The following PCDH9 variants were observed in gnomAD, a reference collection of about 807,000 sequenced individuals.
PCDH9 encodes protocadherin 9.
In PCDH9, 24 loss-of-function variants were observed where a neutral mutation model predicts 70.6. That is an observed-to-expected ratio of 0.34 (90% CI 0.25 to 0.48). The LOEUF is 0.48. Among genes scored for constraint, PCDH9 ranks in the 20% least tolerant of loss-of-function variants. The probability of loss-of-function intolerance (pLI) is 0.99; values close to 1 mark genes in which losing one functional copy is unlikely to be tolerated. For missense variants in PCDH9, 1,281 were observed against 1,503.6 expected (o/e 0.85, Z 2.45); for synonymous variants, 562 against 558.5 (o/e 1.01, Z -0.09).
intron 2 of PCDH9, among the ~76,000 whole-genome samples, chr13:66,948,666 T>C (rs1001700645): frequency 1.5e-4 from 23 of 152,014 alleles, no homozygotes; most frequent in African/African-American, 5.6e-4. Context: ...GAGAATTTCA[T>C]ATAAAAAAAC....
At chr13:66,762,274 G>T (rs1289398533) in intron 3 of PCDH9, among the ~76,000 whole-genome samples, 1 of 152,092 alleles carries the variant, frequency 6.6e-6, no homozygotes, top group Non-Finnish European at 1.5e-5. Flanking sequence ...ACTGCACTTG[G>T]CTGGTGATGA....
chr13:66,870,184 T>A (rs1245801564), intron 3 of PCDH9, among the ~76,000 whole-genome samples: 2 of 152,178 alleles, frequency 1.3e-5, no homozygotes, highest in Non-Finnish European at 2.9e-5. Context: ...TGGGGAATCC[T>A]TTCCCCATTG....
intron 2 of PCDH9, among the ~76,000 whole-genome samples, chr13:67,086,335 T>C (rs1422851738): frequency 6.6e-6 from 1 of 152,206 alleles, no homozygotes; most frequent in African/African-American, 2.4e-5. Flanking sequence ...GGGTGATATA[T>C]GGTTTGTACA....
At chr13:67,224,118 C>T (rs1015870) in intron 2 of PCDH9, 115,656 of 152,026 alleles carry the variant, frequency 0.76, 46,102 homozygotes, top group Middle Eastern at 0.9. Flanking sequence ...GTTCTGCAAA[C>T]TAATTTTGCT....
chr13:66,714,373 G>A (rs1272233606), intron 3 of PCDH9, among the ~76,000 whole-genome samples: 2 of 151,720 alleles, frequency 1.3e-5, no homozygotes, highest in Admixed American at 6.6e-5. Context: ...GCTGAGGCAG[G>A]AGAATGGAGT....
At chr13:66,415,601 T>A (rs1243687592) in intron 4 of PCDH9, among the ~76,000 whole-genome samples, 2 of 152,216 alleles carry the variant, frequency 1.3e-5, no homozygotes, top group Non-Finnish European at 2.9e-5. Context: ...CATTCCCTTA[T>A]CCTTCTCTGT....
intron 2 of PCDH9, among the ~76,000 whole-genome samples, chr13:66,908,244 A>C (rs1256693123): frequency 6.6e-6 from 1 of 152,190 alleles, no homozygotes; most frequent in Non-Finnish European, 1.5e-5. Context: ...TATCTAATGC[A>C]ACACAACTAA....
At chr13:66,870,893 T>C (rs555763432) in intron 3 of PCDH9, among the ~76,000 whole-genome samples, 1 of 152,254 alleles carries the variant, frequency 6.6e-6, no homozygotes, top group East Asian at 1.9e-4. Flanking sequence ...ACTGGGTATA[T>C]ACCCAAAGGA....
At chr13:66,473,222 A>G (rs1958652929) in intron 4 of PCDH9, among the ~76,000 whole-genome samples, 1 of 152,074 alleles carries the variant, frequency 6.6e-6, no homozygotes, top group South Asian at 2.1e-4. Flanking sequence ...TTTTAGGGTG[A>G]TCTTGGTCAT....
At chr13:66,866,666 G>A (rs1003953106) in intron 3 of PCDH9, among the ~76,000 whole-genome samples, 4 of 151,836 alleles carry the variant, frequency 2.6e-5, no homozygotes, top group Non-Finnish European at 4.4e-5. Flanking sequence ...CCGTGGTGGC[G>A]AGCGCCTATA....
intron 4 of PCDH9, among the ~76,000 whole-genome samples, chr13:66,556,257 G>A (rs1961735329): frequency 6.6e-6 from 1 of 151,864 alleles, no homozygotes; most frequent in African/African-American, 2.4e-5. Context: ...CTAAATATAT[G>A]TATATACATT....
At chr13:66,644,017 A>G (rs1005037967) in intron 3 of PCDH9, among the ~76,000 whole-genome samples, 5 of 152,006 alleles carry the variant, frequency 3.3e-5, no homozygotes, top group Admixed American at 6.6e-5. Flanking sequence ...TAGAAAAAAT[A>G]CATTAAATTT....
chr13:66,311,482 G>C (rs575340303), intron 4 of PCDH9, among the ~76,000 whole-genome samples: 2 of 151,904 alleles, frequency 1.3e-5, no homozygotes, highest in Admixed American at 6.6e-5. Context: ...TAAATCTGGA[G>C]GGACCTGAAA....
At chr13:66,782,784 T>G (rs1012264758) in intron 3 of PCDH9, 2 of 152,128 alleles carry the variant, frequency 1.3e-5, no homozygotes, top group Non-Finnish European at 2.9e-5. Context: ...ATATCTCAAG[T>G]AAGGGAGTGT....
At chr13:66,831,755 T>C (rs2840233) in intron 3 of PCDH9, among the ~76,000 whole-genome samples, 45,944 of 152,068 alleles carry the variant, frequency 0.3, 8,172 homozygotes, top group East Asian at 0.45. Context: ...AGATTTATAA[T>C]GTGAGTCACC....
chr13:66,750,242 C>G (rs1028133070), intron 3 of PCDH9, among the ~76,000 whole-genome samples: 2 of 152,102 alleles, frequency 1.3e-5, no homozygotes, highest in Non-Finnish European at 2.9e-5. Context: ...GAAATAGATT[C>G]ACATTTAAAA....
rs1263721798 is a variant in PCDH9 at position 66,923,275 on chromosome 13, A to T, written c.3037-19670T>A. Among the ~76,000 whole-genome samples the T allele has an allele frequency of 4.0e-5, 6 of 151,734 alleles. No homozygotes were observed. In the South Asian group the frequency reaches 1.2e-3, roughly 31 times the overall value. ...ATAATTGACACACATTTCATAGCTA[A>T]TTATATGCACCAAATCTTGACTATA... On this transcript the variant is annotated intron_variant, in intron 2 of 4. Coordinates refer to ENST00000377865, the MANE Select transcript of PCDH9 (RefSeq NM_203487.3).
At chr13:67,214,311 G>C (rs2089539467) in intron 2 of PCDH9, 1 of 152,170 alleles carries the variant, frequency 6.6e-6, no homozygotes, top group African/African-American at 2.4e-5. Context: ...TAGCTGGTTT[G>C]ATTACACCAT....
chr13:66,531,646 T>C (rs968046765), intron 4 of PCDH9, among the ~76,000 whole-genome samples: 1 of 152,100 alleles, frequency 6.6e-6, no homozygotes, highest in African/African-American at 2.4e-5. Context: ...ACGCTTTAAA[T>C]TGTTTGGGGT....
Sources: gnomAD v4.1 joint callset for allele counts (sites outside exome capture counted in the v4.1 genomes callset) on GRCh38, gnomAD v4.1.1 for gene constraint, MANE v1.5 for transcripts, NCBI Gene and HGNC (gene_info 2026-07-23, HGNC 2026-07-21) for gene names.